Variants in PCDHGA7 observed in about 807,000 individuals in gnomAD.
The protein encoded by PCDHGA7 is protocadherin gamma-A7.
PCDHGA7 carries 44 observed loss-of-function variants against 58.3 expected under a neutral mutation model. That is an observed-to-expected ratio of 0.75 (90% CI 0.59 to 0.97). PCDHGA7 has a LOEUF of 0.97. Ranked by LOEUF, PCDHGA7 falls within the 50% of genes least tolerant of loss-of-function variation. The probability of loss-of-function intolerance (pLI) is 0.00; values close to 1 mark genes in which losing one functional copy is unlikely to be tolerated. For missense variants in PCDHGA7, 1,266 were observed against 1,188.7 expected, an observed-to-expected ratio of 1.06 and a Z score of -0.96; for synonymous variants, 516 against 504.2, an observed-to-expected ratio of 1.02 and a Z score of -0.31.
intron 1 of PCDHGA7, chr5:141,403,123 G>A: frequency 6.2e-7 from 1 of 1,614,066 alleles, no homozygotes; most frequent in Non-Finnish European, 8.5e-7. Context: ...TGGAGCCCCG[G>A]GAGCTGGCGG....
Position 141,489,084 on chromosome 5 carries a change from C to CCG in PCDHGA7, c.2425-5723_2425-5722insCG. On this transcript the variant is annotated intron_variant, in intron 1 of 3. Coordinates refer to ENST00000518325, the MANE Select transcript of PCDHGA7 (RefSeq NM_018920.4). The surrounding 1 kb of genome is among the most constrained non-coding windows in gnomAD (Gnocchi z 4.5). ...CTCCCCCCTGCCCACCCCCGCCACT[C>CCG]GGTGACTAAGAACTGCTGCAAGCAG... 9.1e-6 allele frequency: 3 copies of CCG among 329,130 alleles called. No individual in the cohort carries two copies. The highest frequency in any genetic ancestry group is 5.4e-6 in the Non-Finnish European group (1 of 186,464). The allele number at this position is 329,130 out of a possible 1,614,324, so 20.4% of individuals were successfully genotyped here. A position where few individuals can be genotyped will look rare whatever the true frequency, so the allele number is the denominator to read the frequency against.
chr5:141,472,980 C>CAAAAAAAAAAAAAAAAAGAAAAAAAAA (rs2099309731), intron 1 of PCDHGA7, among the ~76,000 whole-genome samples: 1 of 86,106 alleles, frequency 1.2e-5, no homozygotes, highest in Non-Finnish European at 2.5e-5. Flanking sequence ...GAGTGAAACT[C>CAAAAAAAAAAAAAAAAAGAAAAAAAAA]AAAAAAAAAA....
At chr5:141,436,471 A>G (rs1249793994) in intron 1 of PCDHGA7, among the ~76,000 whole-genome samples, 1 of 152,204 alleles carries the variant, frequency 6.6e-6, no homozygotes, top group Non-Finnish European at 1.5e-5. Flanking sequence ...TTTCAGATGT[A>G]TCATAGAAGG....
intron 1 of PCDHGA7, chr5:141,492,070 GCCGGCT>G (rs1329848558): frequency 2.1e-6 from 1 of 477,826 alleles, no homozygotes; most frequent in Non-Finnish European, 3.7e-6. Context: ...CCTCCTAGGC[GCCGGCT>G]CCGGCACGCT....
intron 1 of PCDHGA7, chr5:141,408,161 C>T: frequency 2.0e-6 from 3 of 1,517,698 alleles, no homozygotes; most frequent in Non-Finnish European, 2.7e-6. Context: ...TGCACTTTCT[C>T]CAACTGGAAA....
chr5:141,392,865 G>A, intron 1 of PCDHGA7: 1 of 1,613,006 alleles, frequency 6.2e-7, no homozygotes, highest in Non-Finnish European at 8.5e-7. Flanking sequence ...CCTGCTGTGC[G>A]CGCTGCTGGG....
intron 1 of PCDHGA7, chr5:141,393,900 G>A (rs1048161107): frequency 3.7e-6 from 6 of 1,613,906 alleles, no homozygotes; most frequent in South Asian, 1.1e-5. Flanking sequence ...TTCTCTTCCC[G>A]GGACAGTAAT....
intron 2 of PCDHGA7, among the ~76,000 whole-genome samples, chr5:141,504,948 T>C (rs1044527570): frequency 2.0e-5 from 3 of 152,080 alleles, no homozygotes; most frequent in Admixed American, 1.3e-4. Flanking sequence ...GAATGCACTA[T>C]GTTCAATGCA....
At chr5:141,419,139 G>C in intron 1 of PCDHGA7, 1 of 1,613,916 alleles carries the variant, frequency 6.2e-7, no homozygotes, top group South Asian at 1.1e-5. Flanking sequence ...GCCACAGACA[G>C]GGGCAAGCCT....
chr5:141,431,884 T>A lies in PCDHGA7; in HGVS notation c.2424+46561T>A. ...CCCTTTTAAATGTAAATGACCAAGA[T>A]TCTGAGGAAAACGGACAGGTGATCT... On this transcript the variant is annotated intron_variant, in intron 1 of 3. Transcript: ENST00000518325. This position sits in a 1 kb window ranked among gnomAD's most constrained non-coding sequence, Gnocchi z 4.8. 1.2e-6 allele frequency: 2 copies of A among 1,614,218 alleles called. No individual in the cohort carries two copies. Among genetic ancestry groups the A allele is most frequent in the Non-Finnish European group, 1.7e-6 (2 of 1,180,008 alleles).
At chr5:141,394,158 C>T in intron 1 of PCDHGA7, 1 of 1,613,844 alleles carries the variant, frequency 6.2e-7, no homozygotes, top group East Asian at 2.2e-5. Flanking sequence ...TAACGACAAC[C>T]CTCCTACTTT....
intron 1 of PCDHGA7, among the ~76,000 whole-genome samples, chr5:141,455,967 A>T (rs965245893): frequency 2.7e-5 from 4 of 150,838 alleles, no homozygotes; most frequent in Non-Finnish European, 4.4e-5. Flanking sequence ...GCGCGATCTC[A>T]GCTCACTGCA....
At chr5:141,394,874 G>C in intron 1 of PCDHGA7, 3 of 1,613,814 alleles carry the variant, frequency 1.9e-6, no homozygotes, top group South Asian at 1.1e-5. Context: ...CGAACGATTC[G>C]AGCCTTACAC....
At chr5:141,403,074 A>G (rs777613681) in intron 1 of PCDHGA7, 9 of 1,614,088 alleles carry the variant, frequency 5.6e-6, no homozygotes, top group Non-Finnish European at 6.8e-6. Flanking sequence ...GAGACAGAAA[A>G]GGGCTATATT....
rs752071139 is a variant in PCDHGA7 at position 141,422,722 on chromosome 5, G to A, written c.2424+37399G>A. ...CTCTCTGACGGATGACACTGTCCAG[G>A]GGGTGCCTCTGTCCTCCTATGTCTC... On this transcript the variant is annotated intron_variant, in intron 1 of 3. Coordinates refer to ENST00000518325, the MANE Select transcript of PCDHGA7 (RefSeq NM_018920.4). The A allele has an allele frequency of 2.4e-5, 39 of 1,605,774 alleles. No homozygotes were observed. In the South Asian group the frequency reaches 4.0e-4, roughly 17 times the overall value.
chr5:141,421,741 C>A lies in PCDHGA7; in HGVS notation c.2424+36418C>A. 3 of 1,613,902 alleles carry A rather than the reference C, an allele frequency of 1.9e-6. No individual in the cohort carries two copies. The South Asian group carries it at 3.3e-5, about 18-fold the overall frequency. ...GGGCGTGAACTCCCTCCAGAGCTAC[C>A]AGCTCAGCCCTAATAATTACTTTTC... On this transcript the variant is annotated intron_variant, in intron 1 of 3. Transcript: ENST00000518325.
At position 141,430,831 on chromosome 5, in the gene PCDHGA7, G is replaced by A; in HGVS notation, c.2424+45508G>A. ...TGGGAATCCTCCTGGGGACTCTGTGGGAGACCGGATGCACCCAGATACGCT... is the reference window on the plus strand; with the variant it reads ...TGGGAATCCTCCTGGGGACTCTGTGAGAGACCGGATGCACCCAGATACGCT... On this transcript the variant is annotated intron_variant, in intron 1 of 3. Coordinates refer to ENST00000518325, the MANE Select transcript of PCDHGA7 (RefSeq NM_018920.4). 3 of 1,555,334 alleles carry A rather than the reference G, an allele frequency of 1.9e-6. No individual in the cohort carries two copies. In the South Asian group the frequency reaches 3.8e-5, roughly 19 times the overall value.
Position 141,394,683 on chromosome 5 carries a change from G to A in PCDHGA7, c.2424+9360G>A, listed in dbSNP as rs1008097766. ...ACTCTTCTCGGTGGGTCTGCACACG[G>A]GCGAGGTGCGCACGGCGCGAGCCCT... On this transcript the variant is annotated intron_variant, in intron 1 of 3. Coordinates refer to ENST00000518325, the MANE Select transcript of PCDHGA7 (RefSeq NM_018920.4). 5 of 1,611,630 alleles carry A rather than the reference G, an allele frequency of 3.1e-6. No homozygotes were observed. In the African/African-American group the frequency reaches 5.4e-5, roughly 17 times the overall value.
At chr5:141,422,126 GAGA>G (rs767100115) in intron 1 of PCDHGA7, 2 of 1,601,210 alleles carry the variant, frequency 1.2e-6, no homozygotes, top group South Asian at 2.3e-5. Context: ...TCACAAACTG[GAGA>G]AGTTCAAGTA....
Sources: gnomAD v4.1 joint callset for allele counts (sites outside exome capture counted in the v4.1 genomes callset) on GRCh38, gnomAD v4.1.1 for gene constraint, Gnocchi (gnomAD v3.1) non-coding constraint, MANE v1.5 for transcripts, NCBI Gene and HGNC (gene_info 2026-07-23, HGNC 2026-07-21) for gene names.